Variants in NUCB2 observed in about 807,000 individuals in gnomAD.
NUCB2 encodes the protein nucleobindin-2.
Under a neutral mutation model 57.9 loss-of-function variants are expected in NUCB2, and 48 were observed. That is an observed-to-expected ratio of 0.83 (90% CI 0.66 to 1.05). The LOEUF is 1.05. Ranked by LOEUF, NUCB2 falls within the 50% of genes least tolerant of loss-of-function variation. NUCB2 has a pLI of 0.00. For synonymous variants in NUCB2, 139 were observed against 152.1 expected, an observed-to-expected ratio of 0.91 and a Z score of 0.64; for missense variants, 442 against 476.2, an observed-to-expected ratio of 0.93 and a Z score of 0.67.
At chr11:17,319,380 A>C (rs980512586) in intron 11 of NUCB2, among the ~76,000 whole-genome samples, 2 of 152,110 alleles carry the variant, frequency 1.3e-5, no homozygotes, top group Non-Finnish European at 1.5e-5. Flanking sequence ...TTAGTATATC[A>C]GGATGTTCAA....
At chr11:17,294,964 CT>C (rs1945577253) in intron 2 of NUCB2, among the ~76,000 whole-genome samples, 1 of 152,108 alleles carries the variant, frequency 6.6e-6, no homozygotes, top group Non-Finnish European at 1.5e-5. Flanking sequence ...AGGAGAATCG[CT>C]TGAACCCAGG....
chr11:17,339,175 A>T (rs1952044177), intron 2 of NUCB2, among the ~76,000 whole-genome samples: 1 of 150,722 alleles, frequency 6.6e-6, no homozygotes, highest in Admixed American at 6.6e-5. Flanking sequence ...TTCAGTAGAG[A>T]CGGGGTTTTG....
intron 13 of NUCB2, 28 bp from the exon 14 acceptor site, chr11:17,331,384 A>G: frequency 7.3e-7 from 1 of 1,374,196 alleles, no homozygotes; most frequent in East Asian, 2.6e-5. Context: ...TACTTTTAAA[A>G]TAAGAACTTT....
chr11:17,285,440 G>C (rs551502048), intron 2 of NUCB2, among the ~76,000 whole-genome samples: 1 of 152,250 alleles, frequency 6.6e-6, no homozygotes, highest in South Asian at 2.1e-4. Flanking sequence ...AGCCAGGCAT[G>C]GTGGCATGCG....
At chr11:17,285,164 A>G (rs924386274) in intron 2 of NUCB2, among the ~76,000 whole-genome samples, 3 of 152,080 alleles carry the variant, frequency 2.0e-5, no homozygotes, top group Non-Finnish European at 2.9e-5. Context: ...GCGGTGGCTC[A>G]TGCCTGTAAT....
intron 11 of NUCB2, among the ~76,000 whole-genome samples, chr11:17,329,134 A>G (rs1446811433): frequency 2.0e-5 from 3 of 152,090 alleles, no homozygotes; most frequent in East Asian, 1.9e-4. Flanking sequence ...CTGGTGTCCT[A>G]TCCTACTATG....
In NUCB2 at chr11:17,310,966, G is replaced by A. The variant is rs755102024; in HGVS notation, c.625G>A (p.Glu209Lys). Residue 209 changes from glutamate (E) to lysine (K), a missense_variant, in exon 7 of 14, where the codon GAA (glutamate) becomes AAA (lysine). Coordinates refer to ENST00000529010, the MANE Select transcript of NUCB2 (RefSeq NM_005013.4). The part of the protein sequence containing the change: ...KRKEEESKFE[E>K]MKKKHENHPK... The stretch of plus-strand genomic sequence containing the variant: ...AAAAGAAGAAGAGTCTAAATTTGAA[G>A]AAATGAAGAAAAAGCATGAAAATCA... 1 of 1,583,718 alleles carries A rather than the reference G, an allele frequency of 6.3e-7. No homozygotes were observed. The highest frequency in any genetic ancestry group is 1.2e-5 in the South Asian group (1 of 84,192).
chr11:17,302,771 G>T lies in NUCB2; in HGVS notation c.379+901G>T, dbSNP rs12361363. ...TTTTTTTTTTCTGAGATGGAGTCTC[G>T]CTCTGTCGCCCAGGCTGGAGTGCAG... On this transcript the variant is annotated intron_variant, in intron 5 of 13. Transcript: ENST00000529010. 9.6e-3 allele frequency among the ~76,000 whole-genome samples: 1,401 copies of T among 145,220 alleles called. 9 individuals carry two copies. Among genetic ancestry groups the T allele is most frequent in the Non-Finnish European group, 0.016 (1,070 of 66,712 alleles).
chr11:17,320,696 G>A (rs1949911009), intron 11 of NUCB2, among the ~76,000 whole-genome samples: 1 of 152,010 alleles, frequency 6.6e-6, no homozygotes, highest in South Asian at 2.1e-4. Flanking sequence ...TTTAAGGTGA[G>A]GGCATATTGT....
intron 2 of NUCB2, among the ~76,000 whole-genome samples, chr11:17,344,255 A>G (rs944294398): frequency 2.0e-5 from 3 of 152,226 alleles, no homozygotes; most frequent in African/African-American, 7.2e-5. Flanking sequence ...AAGCCTATCT[A>G]TAGTACTTTA....
At chr11:17,332,543 C>T (rs1380726884), downstream of NUCB2, 2 of 145,570 alleles carry the variant, frequency 1.4e-5, no homozygotes, top group African/African-American at 5.1e-5. Context: ...AGAGAAACCA[C>T]CAGAAATCCA....
Position 17,312,245 on chromosome 11 carries a change from T to C in NUCB2, c.912+125T>C, listed in dbSNP as rs544579748. 7.5e-5 allele frequency: 46 copies of C among 615,928 alleles called. 1 individual carries two copies. The South Asian group carries it at 9.7e-4, about 13-fold the overall frequency. 38.2% of individuals were successfully genotyped at this position (615,928 alleles called of 1,614,324 possible). A position where few individuals can be genotyped will look rare whatever the true frequency, so the allele number is the denominator to read the frequency against. On this transcript the variant is annotated intron_variant, in intron 10 of 13. Transcript: ENST00000529010. ...TGGAGTTTGCGTTTTTGTTTTTGTT[T>C]TTTTTTTGAGACAGGGTCTTACTCT...
chr11:17,330,389 T>A lies in NUCB2; in HGVS notation c.1173+92T>A. 1.2e-6 allele frequency: 1 copy of A among 829,780 alleles called. No individual in the cohort carries two copies. The highest frequency in any genetic ancestry group is 1.9e-6 in the Non-Finnish European group (1 of 532,166). The allele number at this position is 829,780 out of a possible 1,614,324, so 51.4% of individuals were successfully genotyped here. A position where few individuals can be genotyped will look rare whatever the true frequency, so the allele number is the denominator to read the frequency against. ...TTGTAACATATTTCATTGTACTATA[T>A]AGTACACTGCTATAGCTATACTATA... On this transcript the variant is annotated intron_variant, in intron 12 of 13. Transcript: ENST00000529010. The surrounding 1 kb of genome is among the most constrained non-coding windows in gnomAD (Gnocchi z 4.3).
At chr11:17,343,212 C>A (rs1952435546) in intron 2 of NUCB2, among the ~76,000 whole-genome samples, 1 of 152,018 alleles carries the variant, frequency 6.6e-6, no homozygotes, top group African/African-American at 2.4e-5. Flanking sequence ...TGTGTCTCTG[C>A]ACATGAGATG....
chr11:17,319,114 T>C (rs1405837523), intron 11 of NUCB2, among the ~76,000 whole-genome samples: 1 of 152,240 alleles, frequency 6.6e-6, no homozygotes, highest in Non-Finnish European at 1.5e-5. Flanking sequence ...GGTTGACAAA[T>C]GGAGATTTTC....
rs1948182175 is a variant in NUCB2, at chr11:17,309,586, C to T, written c.394C>T (p.His132Tyr). Residue 132 changes from histidine to tyrosine, a missense_variant, in exon 6 of 14, where the codon CAC (histidine) becomes TAC (tyrosine). Coordinates refer to ENST00000529010, the MANE Select transcript of NUCB2 (RefSeq NM_005013.4). Reference protein sequence around the residue: ...LDSLQDIGMDHQALLKQFDHL... With the variant: ...LDSLQDIGMDYQALLKQFDHL... Reference sequence around the variant, plus strand: ...TTTTCTTTCAGATATAGGCATGGACCACCAAGCTCTTCTAAAACAATTTGA... The same window carrying T: ...TTTTCTTTCAGATATAGGCATGGACTACCAAGCTCTTCTAAAACAATTTGA... 1 of 1,592,108 alleles carries T rather than the reference C, an allele frequency of 6.3e-7. No individual in the cohort carries two copies. Among genetic ancestry groups the T allele is most frequent in the Admixed American group, 1.8e-5 (1 of 55,688 alleles).
intron 2 of NUCB2, among the ~76,000 whole-genome samples, chr11:17,291,557 A>AAAAAAAAAAAAAAAAAAAAC (rs1944946568): frequency 6.6e-6 from 1 of 151,096 alleles, no homozygotes; most frequent in Non-Finnish European, 1.5e-5. Context: ...AAAAAAAAAA[A>AAAAAAAAAAAAAAAAAAAAC]AAATCAGTCT....
At chr11:17,294,669 G>A (rs556077716) in intron 2 of NUCB2, among the ~76,000 whole-genome samples, 4 of 131,256 alleles carry the variant, frequency 3.0e-5, no homozygotes, top group South Asian at 2.5e-4. Flanking sequence ...TGGGTAAAAC[G>A]TGTTGCCTTA....
At position 17,301,894 on chromosome 11, in the gene NUCB2, A is replaced by ATT; in HGVS notation, c.379+33_379+34dup. Reference sequence around the variant, plus strand: ...AGGTAAGTGCTAAACAAAAGGTAGGATTTTTTTTTTCTTTTTTCCTTTTGA... The same window carrying ATT: ...AGGTAAGTGCTAAACAAAAGGTAGGATTTTTTTTTTTTCTTTTTTCCTTTTGA... On this transcript the variant is annotated intron_variant, in intron 5 of 13. Transcript: ENST00000529010. The ATT allele has an allele frequency of 7.2e-6, 11 of 1,527,264 alleles. No individual in the cohort carries two copies. In the African/African-American group the frequency reaches 8.4e-5, roughly 12 times the overall value. 94.6% of individuals were successfully genotyped at this position (1,527,264 alleles called of 1,614,324 possible).
Sources: allele counts gnomAD v4.1 joint callset (sites outside exome capture counted in the v4.1 genomes callset), GRCh38; gene constraint gnomAD v4.1.1; non-coding constraint Gnocchi (gnomAD v3.1); transcripts MANE v1.5; gene names NCBI Gene and HGNC (gene_info 2026-07-23, HGNC 2026-07-21).